Variants in RBFOX2 observed in about 807,000 individuals in gnomAD.
RBFOX2 encodes the protein RNA binding fox-1 homolog 2.
In RBFOX2, 10 loss-of-function variants were observed where a neutral mutation model predicts 49.1. The observed-to-expected ratio is 0.20, with a 90% CI of 0.13 to 0.35. The LOEUF (loss-of-function observed/expected upper bound fraction) is 0.35. Among genes scored for constraint, RBFOX2 ranks in the 10% least tolerant of loss-of-function variants. The pLI is 1.00. For missense variants in RBFOX2, 323 were observed against 486.9 expected (o/e 0.66, Z 3.17); for synonymous variants, 183 against 187.4 (o/e 0.98, Z 0.19).
chr22:35,922,634 T>C (rs2051157175), intron 1 of RBFOX2, among the ~76,000 whole-genome samples: 1 of 151,962 alleles, frequency 6.6e-6, no homozygotes. Flanking sequence ...CTTGTTTTTG[T>C]AGAACCCACA....
rs998405891 is a variant in RBFOX2 at position 35,749,208 on chromosome 22, G to A, written c.888-2647C>T. ...AAGTTTAAACATGATGAAGTTCTCT[G>A]CTTTTCAAGTGGAAGAAAACAGAAC... On this transcript the variant is annotated intron_variant, in intron 9 of 11. Transcript: ENST00000405409. The surrounding 1 kb of genome is among the most constrained non-coding windows in gnomAD (Gnocchi z 4.1). 6.6e-6 allele frequency among the ~76,000 whole-genome samples: 1 copy of A among 152,138 alleles called. No homozygotes were observed. Among genetic ancestry groups the A allele is most frequent in the African/African-American group, 2.4e-5 (1 of 41,422 alleles).
chr22:35,840,424 T>C, exon 1 of RBFOX2: 1 of 1,458,552 alleles, frequency 6.9e-7, no homozygotes. Flanking sequence ...CCCCTCCTTC[T>C]TTCTCCAGCT....
At chr22:35,967,772 T>C (rs2056648221) in intron 1 of RBFOX2, among the ~76,000 whole-genome samples, 1 of 152,208 alleles carries the variant, frequency 6.6e-6, no homozygotes, top group Non-Finnish European at 1.5e-5. Context: ...TCCTTATTAG[T>C]GCTACTGTTT....
At chr22:35,803,557 G>A (rs1237828599) in intron 2 of RBFOX2, among the ~76,000 whole-genome samples, 3 of 152,034 alleles carry the variant, frequency 2.0e-5, no homozygotes, top group African/African-American at 4.8e-5. Context: ...TGTGCCTGTA[G>A]TACCAGCTAC....
At chr22:35,901,682 G>A (rs571556304) in intron 1 of RBFOX2, among the ~76,000 whole-genome samples, 5 of 152,168 alleles carry the variant, frequency 3.3e-5, no homozygotes, top group African/African-American at 4.8e-5. Flanking sequence ...TGGAGAAAGC[G>A]GTCCATCTCA....
At chr22:35,761,683 CA>C (rs1938935241) in intron 6 of RBFOX2, among the ~76,000 whole-genome samples, 1 of 151,726 alleles carries the variant, frequency 6.6e-6, no homozygotes, top group Non-Finnish European at 1.5e-5. Context: ...GGGGGCTTGG[CA>C]GGTGTCATGA....
chr22:35,869,469 C>CAAAAAAAAAAAAAAAAAAAAAAAA, intron 1 of RBFOX2, among the ~76,000 whole-genome samples: 1 of 30,570 alleles, frequency 3.3e-5, no homozygotes, highest in Non-Finnish European at 6.5e-5. Context: ...AACGGCTGAC[C>CAAAAAAAAAAAAAAAAAAAAAAAA]AAAAAAAAAA....
Position 35,810,935 on chromosome 22 carries a change from A to G in RBFOX2, c.28-931T>C, listed in dbSNP as rs533458044. Among the ~76,000 whole-genome samples the G allele has an allele frequency of 5.9e-4, 90 of 152,338 alleles. 5 individuals carry two copies. The South Asian group carries it at 0.018, about 31-fold the overall frequency. ...TTTTTAATACTAAAGAGAATGACAA[A>G]AAATATATCATCAATAAGGGGAAGC... On this transcript the variant is annotated intron_variant, in intron 1 of 11. Transcript: ENST00000405409.
At chr22:35,926,771 G>A (rs1023446540) in intron 1 of RBFOX2, among the ~76,000 whole-genome samples, 3 of 152,076 alleles carry the variant, frequency 2.0e-5, no homozygotes, top group Admixed American at 1.3e-4. Flanking sequence ...GTGAGAGAAC[G>A]CTCAAAGTAT....
rs1938062287 is a variant in RBFOX2, at chr22:35,759,716, T to C, written c.887+172A>G. On this transcript the variant is annotated intron_variant, in intron 9 of 11. Transcript: ENST00000405409. This position sits in a 1 kb window ranked among gnomAD's most constrained non-coding sequence, Gnocchi z 4.6. ...AATGAATTGACAGTTTGTCACATTCTGATGATGGTATATTTTGTTTTTTGT... is the reference window on the plus strand; with the variant it reads ...AATGAATTGACAGTTTGTCACATTCCGATGATGGTATATTTTGTTTTTTGT... 6.6e-6 allele frequency among the ~76,000 whole-genome samples: 1 copy of C among 152,248 alleles called. No homozygotes were observed. The highest frequency in any genetic ancestry group is 2.4e-5 in the African/African-American group (1 of 41,458).
rs535692094 is a variant in RBFOX2 at position 35,993,041 on chromosome 22, A to G, written c.186+35199T>C. 7 of 152,336 alleles carry G rather than the reference A, an allele frequency of 4.6e-5. No homozygotes were observed. In the East Asian group the frequency reaches 1.4e-3, roughly 29 times the overall value. 9.4% of individuals were successfully genotyped at this position (152,336 alleles called of 1,614,324 possible). A position where few individuals can be genotyped will look rare whatever the true frequency, so the allele number is the denominator to read the frequency against. On this transcript the variant is annotated intron_variant, in intron 1 of 13. Transcript: ENST00000438146. The stretch of plus-strand genomic sequence containing the variant: ...AACATAATACAATACTGGTTTTAAC[A>G]TATTTACCATGTAATGTCCAAACAG...
chr22:35,770,483 T>C (rs139581239), intron 4 of RBFOX2, among the ~76,000 whole-genome samples: 51 of 152,254 alleles, frequency 3.3e-4, no homozygotes, highest in African/African-American at 1.2e-3. Flanking sequence ...GTAAAAAGAA[T>C]AGACATATTG....
chr22:35,953,607 G>T (rs992446111), intron 1 of RBFOX2, among the ~76,000 whole-genome samples: 1 of 152,112 alleles, frequency 6.6e-6, no homozygotes, highest in Admixed American at 6.5e-5. Context: ...CACTGTGAAC[G>T]TATTAAATGC....
At chr22:35,812,845 T>C (rs1952188096) in intron 1 of RBFOX2, among the ~76,000 whole-genome samples, 1 of 152,248 alleles carries the variant, frequency 6.6e-6, no homozygotes, top group Non-Finnish European at 1.5e-5. Flanking sequence ...AATGAGACTC[T>C]GGCACACAAG....
rs141323331 is a variant in RBFOX2 at position 35,807,911 on chromosome 22, C to T, written c.252+1869G>A. On this transcript the variant is annotated intron_variant, in intron 2 of 11. Coordinates refer to ENST00000405409, the Ensembl canonical transcript of RBFOX2. ...TATAAACAGGGATATCACCACAGACCCTACAAAAATTAAAACGATTATATG... is the reference window on the plus strand; with the variant it reads ...TATAAACAGGGATATCACCACAGACTCTACAAAAATTAAAACGATTATATG... Among the ~76,000 whole-genome samples, 56 of 151,618 alleles carry T rather than the reference C, an allele frequency of 3.7e-4. 1 individual carries two copies. The East Asian group carries it at 9.5e-3, about 26-fold the overall frequency.
chr22:35,820,572 C>A (rs1569259777), intron 1 of RBFOX2, among the ~76,000 whole-genome samples: 1 of 152,168 alleles, frequency 6.6e-6, no homozygotes, highest in Non-Finnish European at 1.5e-5. Flanking sequence ...TACTTATATT[C>A]AATTACAATT....
chr22:35,898,268 C>T, intron 1 of RBFOX2: 2 of 752,232 alleles, frequency 2.7e-6, no homozygotes, highest in Non-Finnish European at 5.0e-6. Context: ...GGAACATTCA[C>T]CTTTCCCATG....
intron 1 of RBFOX2, among the ~76,000 whole-genome samples, chr22:35,951,103 G>A (rs1185100081): frequency 2.0e-5 from 3 of 151,548 alleles, no homozygotes; most frequent in African/African-American, 7.3e-5. Flanking sequence ...ACAGGCGCGT[G>A]CCACCACGCC....
At chr22:35,948,160 T>C (rs192895666) in intron 1 of RBFOX2, among the ~76,000 whole-genome samples, 67 of 152,304 alleles carry the variant, frequency 4.4e-4, no homozygotes, top group Non-Finnish European at 1.6e-4. Context: ...CTGCCTAAAG[T>C]ATTCAGTATA....
Sources: gnomAD v4.1 joint callset for allele counts (sites outside exome capture counted in the v4.1 genomes callset) on GRCh38, gnomAD v4.1.1 for gene constraint, Gnocchi (gnomAD v3.1) non-coding constraint, MANE v1.5 for transcripts, NCBI Gene and HGNC (gene_info 2026-07-23, HGNC 2026-07-21) for gene names.